Variants in GALNT13 observed in about 807,000 individuals in gnomAD.
GALNT13 encodes the protein polypeptide N-acetylgalactosaminyltransferase 13.
A neutral mutation model predicts 64.2 loss-of-function variants in GALNT13; 28 were observed. The observed-to-expected ratio is 0.44, with a 90% CI of 0.32 to 0.60. The LOEUF is 0.60. Ranked by LOEUF, GALNT13 falls within the 20% of genes least tolerant of loss-of-function variation. The pLI is 0.05. For missense variants in GALNT13, 577 were observed against 669.8 expected, an observed-to-expected ratio of 0.86 and a Z score of 1.53; for synonymous variants, 214 against 224.6, an observed-to-expected ratio of 0.95 and a Z score of 0.42.
the GALNT13 span, among the ~76,000 whole-genome samples, chr2:153,275,328 A>G: frequency 6.6e-6 from 1 of 152,150 alleles, no homozygotes; most frequent in Non-Finnish European, 1.5e-5. Flanking sequence ...TCTCCTCCAC[A>G]GTTCAGGTTA....
At chr2:153,126,902 A>C in the GALNT13 span, among the ~76,000 whole-genome samples, 2 of 152,096 alleles carry the variant, frequency 1.3e-5, no homozygotes, top group Non-Finnish European at 2.9e-5. Flanking sequence ...CACTGCCCTG[A>C]GCCAGTCCAT....
At chr2:153,470,362 G>A in the GALNT13 span, among the ~76,000 whole-genome samples, 8 of 151,996 alleles carry the variant, frequency 5.3e-5, no homozygotes, top group Admixed American at 4.6e-4. Context: ...GGGTGTCACT[G>A]GTCATTGACT....
the GALNT13 span, among the ~76,000 whole-genome samples, chr2:153,214,522 G>A: frequency 6.6e-6 from 1 of 152,086 alleles, no homozygotes; most frequent in Non-Finnish European, 1.5e-5. Flanking sequence ...ATTGATACAT[G>A]GAAGCATGTT....
the GALNT13 span, among the ~76,000 whole-genome samples, chr2:153,479,164 T>C: frequency 6.6e-6 from 1 of 152,166 alleles, no homozygotes; most frequent in African/African-American, 2.4e-5. Flanking sequence ...CCCCCTGACC[T>C]CTGGGCGAAT....
the GALNT13 span, among the ~76,000 whole-genome samples, chr2:153,156,885 G>C: frequency 1.3e-5 from 2 of 152,188 alleles, no homozygotes; most frequent in African/African-American, 4.8e-5. Context: ...TGACAGTACA[G>C]ATGAGACAAG....
At chr2:153,993,695 C>CA (rs5835495) in intron 3 of GALNT13, among the ~76,000 whole-genome samples, 31,085 of 105,078 alleles carry the variant, frequency 0.3, 7,484 homozygotes, top group East Asian at 0.77. Context: ...GACTCCATCT[C>CA]AAAAAAAAAA....
intron 3 of GALNT13, among the ~76,000 whole-genome samples, chr2:154,081,229 AC>A (rs1701257547): frequency 6.6e-6 from 1 of 151,452 alleles, no homozygotes; most frequent in African/African-American, 2.4e-5. Flanking sequence ...CCTTCCCTTG[AC>A]TTTGTCACTT....
intron 1 of GALNT13, among the ~76,000 whole-genome samples, chr2:153,873,629 C>T (rs1686147935): frequency 6.6e-6 from 1 of 152,164 alleles, no homozygotes; most frequent in Non-Finnish European, 1.5e-5. Flanking sequence ...ACCATGCATT[C>T]ATTGCTTAGG....
At chr2:154,339,247 C>A (rs1695621059) in intron 9 of GALNT13, among the ~76,000 whole-genome samples, 1 of 152,072 alleles carries the variant, frequency 6.6e-6, no homozygotes, top group African/African-American at 2.4e-5. Flanking sequence ...GTTGGTATAT[C>A]TATCATTATC....
At chr2:154,108,159 T>A (rs915285250) in intron 3 of GALNT13, among the ~76,000 whole-genome samples, 1 of 152,038 alleles carries the variant, frequency 6.6e-6, no homozygotes, top group Non-Finnish European at 1.5e-5. Flanking sequence ...TTTTGGTTTT[T>A]TTTTTCTTTT....
At chr2:153,758,050 T>C in the GALNT13 span, among the ~76,000 whole-genome samples, 2 of 152,182 alleles carry the variant, frequency 1.3e-5, no homozygotes, top group Non-Finnish European at 2.9e-5. Context: ...ACGTAAAACA[T>C]TGTCCAGACA....
chr2:153,683,471 A>T, the GALNT13 span, among the ~76,000 whole-genome samples: 1 of 151,742 alleles, frequency 6.6e-6, no homozygotes, highest in Non-Finnish European at 1.5e-5. Flanking sequence ...ATCTTGAGAA[A>T]GTTCAAGGTT....
At chr2:154,225,012 G>A (rs904489640) in intron 4 of GALNT13, among the ~76,000 whole-genome samples, 1 of 151,842 alleles carries the variant, frequency 6.6e-6, no homozygotes, top group Non-Finnish European at 1.5e-5. Flanking sequence ...AAAATTGATA[G>A]GGTTCAAAGC....
chr2:153,579,395 G>A, the GALNT13 span, among the ~76,000 whole-genome samples: 9 of 152,122 alleles, frequency 5.9e-5, no homozygotes, highest in East Asian at 9.7e-4. Context: ...GCCATCAGTC[G>A]AACTGAAGTC....
At chr2:153,129,162 G>A in the GALNT13 span, among the ~76,000 whole-genome samples, 1 of 152,086 alleles carries the variant, frequency 6.6e-6, no homozygotes, top group Non-Finnish European at 1.5e-5. Flanking sequence ...GCTTACCGGG[G>A]TACAGGCTAA....
At chr2:154,032,133 C>G (rs1334510875) in intron 3 of GALNT13, among the ~76,000 whole-genome samples, 2 of 151,516 alleles carry the variant, frequency 1.3e-5, no homozygotes, top group Admixed American at 6.6e-5. Flanking sequence ...AAGCAGCAAT[C>G]AAATAAATTG....
chr2:154,371,508 T>G (rs961956737), intron 9 of GALNT13, among the ~76,000 whole-genome samples: 1 of 152,044 alleles, frequency 6.6e-6, no homozygotes, highest in African/African-American at 2.4e-5. Context: ...TACAAGAGGA[T>G]ATTATGAATT....
chr2:153,457,634 A>AG, the GALNT13 span, among the ~76,000 whole-genome samples: 1 of 152,220 alleles, frequency 6.6e-6, no homozygotes, highest in Non-Finnish European at 1.5e-5. Context: ...CTGAAAGGTA[A>AG]TTATGTACTT....
intron 1 of GALNT13, among the ~76,000 whole-genome samples, chr2:153,884,785 A>ATATATATATATATATATATATATATATG (rs1450308010): frequency 4.7e-4 from 58 of 122,488 alleles, no homozygotes; most frequent in South Asian, 1.2e-3. Flanking sequence ...ATATATATAT[A>ATATATATATATATATATATATATATATG]TGTGTGTGTA....
Sources: gnomAD v4.1 joint callset for allele counts (sites outside exome capture counted in the v4.1 genomes callset) on GRCh38, gnomAD v4.1.1 for gene constraint, MANE v1.5 for transcripts, NCBI Gene and HGNC (gene_info 2026-07-23, HGNC 2026-07-21) for gene names.